Variants in UBE2D3 observed in about 807,000 individuals in gnomAD.
UBE2D3 encodes ubiquitin conjugating enzyme E2 D3, also known as ubiquitin-conjugating enzyme E2 D3.
In UBE2D3, 2 loss-of-function variants were observed where a neutral mutation model predicts 22.8. The ratio of observed to expected loss-of-function variants is 0.09; its 90% CI spans 0.04 to 0.28. The LOEUF (loss-of-function observed/expected upper bound fraction) is 0.28, where lower values mean the gene tolerates loss of function less well. UBE2D3 is among the 10% of genes least tolerant of loss of function. The pLI is 1.00. For synonymous variants in UBE2D3, 56 were observed against 60.4 expected, an observed-to-expected ratio of 0.93 and a Z score of 0.34; for missense variants, 27 against 182.5, an observed-to-expected ratio of 0.15 and a Z score of 4.91.
chr4:102,823,249 C>G (rs1317104253), intron 2 of UBE2D3, among the ~76,000 whole-genome samples: 2 of 152,164 alleles, frequency 1.3e-5, no homozygotes, highest in African/African-American at 4.8e-5. Context: ...AGCACATACT[C>G]TGGACCAGGC....
intron 4 of UBE2D3, among the ~76,000 whole-genome samples, chr4:102,803,506 GCTCAT>G (rs763979672): frequency 1.5e-4 from 23 of 152,202 alleles, no homozygotes; most frequent in Admixed American, 2.6e-4. Flanking sequence ...CACTAACACA[GCTCAT>G]CTAATTCCTA....
intron 1 of UBE2D3, among the ~76,000 whole-genome samples, chr4:102,847,505 T>G (rs983591435): frequency 6.6e-6 from 1 of 152,172 alleles, no homozygotes; most frequent in African/African-American, 2.4e-5. Context: ...CAGGCTGGTC[T>G]TGAACTCCTG....
chr4:102,799,542 T>C (rs776403915), intron 6 of UBE2D3, 42 bp from the exon 7 acceptor site: 12 of 1,514,946 alleles, frequency 7.9e-6, no homozygotes, highest in Non-Finnish European at 1.1e-5. Flanking sequence ...TTTCAGGAGT[T>C]TGGATAAATA....
rs1314900287 is a variant in UBE2D3, at chr4:102,819,626, G to T, written c.24+6859C>A. The T allele has an allele frequency of 3.0e-6, 3 of 985,024 alleles. No homozygotes were observed. The African/African-American group carries it at 5.2e-5, about 17-fold the overall frequency. The allele number at this position is 985,024 out of a possible 1,614,324, so 61.0% of individuals were successfully genotyped here. On this transcript the variant is annotated intron_variant, in intron 2 of 7. Coordinates refer to ENST00000453744, the MANE Select transcript of UBE2D3 (RefSeq NM_181891.3). Reference sequence around the variant, plus strand: ...TTATTCTAGGTTTCATCCCCCCAAGGCTTGTCAAAATTCAAAAGCCTATAT... The same window carrying T: ...TTATTCTAGGTTTCATCCCCCCAAGTCTTGTCAAAATTCAAAAGCCTATAT...
chr4:102,824,504 A>C (rs998267682), intron 2 of UBE2D3, among the ~76,000 whole-genome samples: 11 of 152,246 alleles, frequency 7.2e-5, no homozygotes, highest in Non-Finnish European at 1.3e-4. Context: ...TTTATTGTTC[A>C]TATTACAACA....
intron 4 of UBE2D3, 193 bp downstream of exon 4, chr4:102,809,479 G>A: frequency 1.6e-6 from 1 of 627,766 alleles, no homozygotes; most frequent in African/African-American, 1.8e-5. Flanking sequence ...CGTGAACACA[G>A]GGATAGACAC....
At chr4:102,804,677 GTT>G (rs1000394996) in intron 4 of UBE2D3, among the ~76,000 whole-genome samples, 22 of 151,966 alleles carry the variant, frequency 1.4e-4, no homozygotes, top group Admixed American at 1.2e-3. Context: ...CACTAAAGTT[GTT>G]TTTGTTTTTT....
chr4:102,820,049 CAAAG>C (rs572567468), intron 2 of UBE2D3, among the ~76,000 whole-genome samples: 336 of 152,236 alleles, frequency 2.2e-3, no homozygotes, highest in Middle Eastern at 6.8e-3. Flanking sequence ...AGGTGGGAAA[CAAAG>C]GGAGTAAGTG....
At chr4:102,849,857 G>C (rs1732252183) in intron 1 of UBE2D3, among the ~76,000 whole-genome samples, 1 of 152,122 alleles carries the variant, frequency 6.6e-6, no homozygotes, top group African/African-American at 2.4e-5. Flanking sequence ...GACAGGGATT[G>C]GGTAAAGTTT....
At chr4:102,809,566 GAATT>G in intron 4 of UBE2D3, 102 bp downstream of exon 4, 1 of 1,180,400 alleles carries the variant, frequency 8.5e-7, no homozygotes, top group South Asian at 1.5e-5. Context: ...ATCCAAAATA[GAATT>G]AACTATATGA....
At chr4:102,848,460 C>G (rs976192521) in intron 1 of UBE2D3, among the ~76,000 whole-genome samples, 2 of 152,126 alleles carry the variant, frequency 1.3e-5, no homozygotes, top group South Asian at 2.1e-4. Context: ...GCCTCGCCAA[C>G]GTGGTGAAAC....
chr4:102,846,837 C>A (rs1299285449), intron 1 of UBE2D3, among the ~76,000 whole-genome samples: 1 of 151,202 alleles, frequency 6.6e-6, no homozygotes, highest in East Asian at 1.9e-4. Flanking sequence ...AGAGACAGAG[C>A]CTTGCTGTGT....
intron 2 of UBE2D3, among the ~76,000 whole-genome samples, chr4:102,816,697 A>G (rs1289589980): frequency 6.6e-6 from 1 of 152,228 alleles, no homozygotes; most frequent in Non-Finnish European, 1.5e-5. Flanking sequence ...AATGAAGCTA[A>G]GTCTTAAAAT....
At chr4:102,859,908 T>C (rs223343) in intron 1 of UBE2D3, among the ~76,000 whole-genome samples, 86,950 of 149,066 alleles carry the variant, frequency 0.58, 27,199 homozygotes, top group African/African-American at 0.81. Context: ...TGCAGTGGCG[T>C]GATCTCAGCT....
intron 2 of UBE2D3, among the ~76,000 whole-genome samples, chr4:102,813,209 G>A (rs1274765883): frequency 6.6e-6 from 1 of 151,810 alleles, no homozygotes; most frequent in Non-Finnish European, 1.5e-5. Flanking sequence ...TCACTATGTT[G>A]CCCAAGCCGG....
chr4:102,845,888 T>C (rs1578290108), intron 1 of UBE2D3, among the ~76,000 whole-genome samples: 1 of 152,276 alleles, frequency 6.6e-6, no homozygotes, highest in East Asian at 1.9e-4. Flanking sequence ...CTTCCCAGGC[T>C]CAAGCCATTC....
intron 1 of UBE2D3, among the ~76,000 whole-genome samples, chr4:102,847,798 C>G (rs1018860623): frequency 1.3e-5 from 2 of 151,938 alleles, no homozygotes; most frequent in Non-Finnish European, 2.9e-5. Flanking sequence ...TGTGTGCCAC[C>G]ATGCGCAGCT....
chr4:102,849,004 C>T (rs1455437140), intron 1 of UBE2D3, among the ~76,000 whole-genome samples: 1 of 148,992 alleles, frequency 6.7e-6, no homozygotes, highest in Non-Finnish European at 1.5e-5. Context: ...GGGTCCATTT[C>T]CTGTAATAAC....
At chr4:102,852,167 A>G (rs1007369278) in intron 1 of UBE2D3, among the ~76,000 whole-genome samples, 2 of 152,226 alleles carry the variant, frequency 1.3e-5, no homozygotes, top group African/African-American at 2.4e-5. Context: ...TCATGGCAGG[A>G]GCTGGAACTA....
Sources: allele counts gnomAD v4.1 joint callset (sites outside exome capture counted in the v4.1 genomes callset), GRCh38; gene constraint gnomAD v4.1.1; transcripts MANE v1.5; gene names NCBI Gene and HGNC (gene_info 2026-07-23, HGNC 2026-07-21).